GRIN2A: variants seen among roughly 807,000 people sequenced by gnomAD.
The protein encoded by GRIN2A is glutamate ionotropic receptor NMDA type subunit 2A, also known as glutamate receptor ionotropic, NMDA 2A.
In GRIN2A, 22 loss-of-function variants were observed where a neutral mutation model predicts 113.4. The observed-to-expected ratio is 0.19, with a 90% CI of 0.14 to 0.28. The LOEUF (loss-of-function observed/expected upper bound fraction) is 0.28, where lower values mean the gene tolerates loss of function less well. Ranked by LOEUF, GRIN2A falls within the 10% of genes least tolerant of loss-of-function variation. GRIN2A has a pLI of 1.00. For missense variants in GRIN2A, 1,502 were observed against 1,887.0 expected (o/e 0.80, Z 3.78); for synonymous variants, 827 against 738.4 (o/e 1.12, Z -1.94).
chr16:9,804,783 C>T (rs570937716), intron 10 of GRIN2A, among the ~76,000 whole-genome samples: 21 of 152,300 alleles, frequency 1.4e-4, no homozygotes, highest in Admixed American at 1.1e-3. Flanking sequence ...GGCTCACCCC[C>T]TGCCAGGCAT....
intron 2 of GRIN2A, among the ~76,000 whole-genome samples, chr16:10,134,475 CA>C (rs2049148867): frequency 1.3e-5 from 1 of 77,962 alleles, no homozygotes; most frequent in Admixed American, 2.1e-4. Context: ...CGGGGCCTGT[CA>C]GGGGGTAGGG....
intron 2 of GRIN2A, among the ~76,000 whole-genome samples, chr16:10,014,235 T>G (rs559372882): frequency 6.6e-6 from 1 of 152,348 alleles, no homozygotes; most frequent in South Asian, 2.1e-4. Flanking sequence ...TTCATATGGC[T>G]GGATACCTTC....
intron 2 of GRIN2A, among the ~76,000 whole-genome samples, chr16:9,958,756 C>T (rs1372570493): frequency 6.6e-6 from 1 of 151,966 alleles, no homozygotes. Flanking sequence ...TAGCTTCATA[C>T]CTTACCTCCA....
chr16:10,107,707 A>C (rs773700947), intron 2 of GRIN2A, among the ~76,000 whole-genome samples: 9 of 152,256 alleles, frequency 5.9e-5, no homozygotes, highest in Non-Finnish European at 1.3e-4. Flanking sequence ...GGAAAGGAGC[A>C]GCTCACCTGA....
intron 2 of GRIN2A, among the ~76,000 whole-genome samples, chr16:10,038,835 G>T (rs1472574151): frequency 2.1e-5 from 3 of 146,104 alleles, no homozygotes; most frequent in East Asian, 2.1e-4. Flanking sequence ...GCGACAGAAT[G>T]AGACTCCTTC....
At chr16:10,052,571 C>T (rs1381379164) in intron 2 of GRIN2A, among the ~76,000 whole-genome samples, 1 of 152,202 alleles carries the variant, frequency 6.6e-6, no homozygotes, top group Non-Finnish European at 1.5e-5. Flanking sequence ...ATTCCGCCTT[C>T]AGGTTGCTGG....
intron 2 of GRIN2A, among the ~76,000 whole-genome samples, chr16:10,123,641 C>T (rs1053863005): frequency 3.3e-5 from 5 of 152,154 alleles, no homozygotes; most frequent in South Asian, 4.1e-4. Context: ...GATTCTAGCT[C>T]GGTCAGTCTG....
intron 2 of GRIN2A, among the ~76,000 whole-genome samples, chr16:9,965,583 C>T (rs987966262): frequency 2.0e-5 from 3 of 152,306 alleles, no homozygotes; most frequent in Middle Eastern, 3.4e-3. Context: ...AGATGGCAGG[C>T]TCCATGAGAG....
At chr16:9,814,945 C>G (rs999517040) in intron 10 of GRIN2A, among the ~76,000 whole-genome samples, 1 of 150,922 alleles carries the variant, frequency 6.6e-6, no homozygotes. Context: ...CGCTTGAACC[C>G]GGAAGGCAGA....
At chr16:9,928,463 C>A (rs1185635019) in intron 3 of GRIN2A, among the ~76,000 whole-genome samples, 1 of 152,156 alleles carries the variant, frequency 6.6e-6, no homozygotes, top group African/African-American at 2.4e-5. Context: ...TTAACTTTGT[C>A]TTTTTGTACA....
chr16:9,865,150 A>T (rs56146838), intron 4 of GRIN2A, among the ~76,000 whole-genome samples: 3,863 of 152,316 alleles, frequency 0.025, 49 homozygotes, highest in East Asian at 0.057. Context: ...AAGATTTAAT[A>T]GTGAGAAAAC....
intron 2 of GRIN2A, among the ~76,000 whole-genome samples, chr16:9,987,667 A>G (rs1326460489): frequency 6.6e-6 from 1 of 152,252 alleles, no homozygotes; most frequent in Non-Finnish European, 1.5e-5. Flanking sequence ...AAATAAAAGC[A>G]AAGAAAGATG....
At chr16:10,096,020 A>G (rs79079459) in intron 2 of GRIN2A, among the ~76,000 whole-genome samples, 4,908 of 152,252 alleles carry the variant, frequency 0.032, 117 homozygotes, top group African/African-American at 0.064. Flanking sequence ...TGTGTAACAA[A>G]CCTGCACATG....
intron 2 of GRIN2A, among the ~76,000 whole-genome samples, chr16:9,938,753 C>G (rs1023047795): frequency 2.0e-5 from 3 of 152,150 alleles, no homozygotes; most frequent in African/African-American, 7.2e-5. Context: ...GAGCTCATAG[C>G]CAGGTCCTGG....
intron 11 of GRIN2A, among the ~76,000 whole-genome samples, chr16:9,777,637 C>A (rs549684217): frequency 6.6e-6 from 1 of 152,332 alleles, no homozygotes; most frequent in African/African-American, 2.4e-5. Context: ...GATTTCTGCT[C>A]CATGGATGAA....
intron 2 of GRIN2A, among the ~76,000 whole-genome samples, chr16:10,108,575 G>C (rs75025680): frequency 2.8e-4 from 42 of 152,270 alleles, no homozygotes; most frequent in Non-Finnish European, 4.7e-4. Context: ...CCTCATCTCA[G>C]AAGGAATCAG....
chr16:10,060,008 C>G (rs2047523861), intron 2 of GRIN2A, among the ~76,000 whole-genome samples: 1 of 152,110 alleles, frequency 6.6e-6, no homozygotes, highest in Admixed American at 6.6e-5. Flanking sequence ...AGTTCAGAAG[C>G]TGGGTCGCTT....
At chr16:9,765,584 TAGA>T (rs1451357754) in intron 12 of GRIN2A, among the ~76,000 whole-genome samples, 1 of 152,138 alleles carries the variant, frequency 6.6e-6, no homozygotes, top group Non-Finnish European at 1.5e-5. Context: ...GATGCTTGGA[TAGA>T]AGGAGTTGCA....
chr16:9,822,863 C>T (rs2042314911), intron 9 of GRIN2A, among the ~76,000 whole-genome samples: 1 of 152,208 alleles, frequency 6.6e-6, no homozygotes, highest in Non-Finnish European at 1.5e-5. Context: ...GTGATCTCCA[C>T]CAATCACTCC....
Sources: allele counts gnomAD v4.1 joint callset (sites outside exome capture counted in the v4.1 genomes callset), GRCh38; gene constraint gnomAD v4.1.1; transcripts MANE v1.5; gene names NCBI Gene and HGNC (gene_info 2026-07-23, HGNC 2026-07-21).